ZNF385D: variants seen among roughly 807,000 people sequenced by gnomAD.
The protein encoded by ZNF385D is zinc finger protein 385D.
ZNF385D carries 15 observed loss-of-function variants against 35.8 expected under a neutral mutation model. The ratio of observed to expected loss-of-function variants is 0.42; its 90% confidence interval spans 0.28 to 0.64. The LOEUF (loss-of-function observed/expected upper bound fraction) is 0.64. Ranked by LOEUF, ZNF385D falls within the 30% of genes least tolerant of loss-of-function variation. ZNF385D has a pLI of 0.23. For missense variants in ZNF385D, 474 were observed against 494.6 expected, an observed-to-expected ratio of 0.96 and a Z score of 0.39; for synonymous variants, 212 against 186.8, an observed-to-expected ratio of 1.13 and a Z score of -1.10.
chr3:21,485,259 A>G (rs1290385998), intron 4 of ZNF385D, among the ~76,000 whole-genome samples: 1 of 152,102 alleles, frequency 6.6e-6, no homozygotes, highest in Non-Finnish European at 1.5e-5. Context: ...GATGCCTTCT[A>G]AAAAAATGCT....
At chr3:21,714,760 A>G (rs549553892) in intron 1 of ZNF385D, among the ~76,000 whole-genome samples, 2 of 152,350 alleles carry the variant, frequency 1.3e-5, no homozygotes, top group South Asian at 4.1e-4. Flanking sequence ...GCAAAGCTCC[A>G]TGAGAGGGTT....
intron 3 of ZNF385D, among the ~76,000 whole-genome samples, chr3:22,033,451 T>C (rs1416088955): frequency 2.2e-5 from 3 of 138,462 alleles, no homozygotes; most frequent in South Asian, 2.2e-4. Context: ...TGCACAGTGA[T>C]ATGAGTTAAA....
chr3:21,750,089 G>A (rs946367616), intron 1 of ZNF385D, among the ~76,000 whole-genome samples: 1 of 152,202 alleles, frequency 6.6e-6, no homozygotes, highest in Non-Finnish European at 1.5e-5. Context: ...CAAATATTCA[G>A]TCCTTATCTT....
Position 22,144,572 on chromosome 3 carries a change from CAAAAAAAAAAAAA to C in ZNF385D, c.325+24232_325+24244del, listed in dbSNP as rs10536394. Among the ~76,000 whole-genome samples, 23 of 67,582 alleles carry C rather than the reference CAAAAAAAAAAAAA, an allele frequency of 3.4e-4. 1 individual carries two copies. The Admixed American group carries it at 4.4e-3, about 13-fold the overall frequency. 44.3% of individuals were successfully genotyped at this position (67,582 alleles called of 152,430 possible). ...TAGGCAACAGGGTGAGACTCCATTT[CAAAAAAAAAAAAA>C]AAAAAAAAAAAAAAAGAACGCCTTT... is the stretch of plus-strand genomic sequence containing the variant. On this transcript the variant is annotated intron_variant, in intron 3 of 5. Coordinates refer to the ZNF385D transcript ENST00000494108.
rs113542217 is a variant in ZNF385D, at chr3:21,465,653, G to A, written c.440-28450C>T. Among the ~76,000 whole-genome samples, 432 of 152,310 alleles carry A rather than the reference G, an allele frequency of 2.8e-3. No homozygotes were observed. Among genetic ancestry groups the A allele is most frequent in the African/African-American group, 9.1e-3 (377 of 41,560 alleles). ...TTGTCTCACATCTGTGTAAGTCTCC[G>A]TGTATCTTATTTTCTTTCCTGGCTC... On this transcript the variant is annotated intron_variant, in intron 4 of 7. Coordinates refer to ENST00000281523, the MANE Select transcript of ZNF385D (RefSeq NM_024697.3). The surrounding 1 kb of genome is among the most constrained non-coding windows in gnomAD (Gnocchi z 4.2).
chr3:21,765,215 TGTGA>T (rs2070774845), intron 3 of ZNF385D, among the ~76,000 whole-genome samples: 1 of 150,812 alleles, frequency 6.6e-6, no homozygotes, highest in Non-Finnish European at 1.5e-5. Flanking sequence ...TGTGTGTGTG[TGTGA>T]GAGAGAGAGA....
chr3:22,008,994 G>A (rs987116138), intron 3 of ZNF385D, among the ~76,000 whole-genome samples: 6 of 152,058 alleles, frequency 3.9e-5, no homozygotes, highest in African/African-American at 1.4e-4. Context: ...AAAACAACAG[G>A]AATCAAAGAA....
chr3:21,529,364 C>T (rs1322073058), intron 3 of ZNF385D, among the ~76,000 whole-genome samples: 1 of 152,120 alleles, frequency 6.6e-6, no homozygotes, highest in East Asian at 1.9e-4. Flanking sequence ...GAAAACTCTC[C>T]AAGATCTTAA....
At chr3:21,438,758 CA>C (rs1407950446) in intron 4 of ZNF385D, among the ~76,000 whole-genome samples, 1 of 152,100 alleles carries the variant, frequency 6.6e-6, no homozygotes, top group Non-Finnish European at 1.5e-5. Context: ...GCCAAGTTTT[CA>C]AAATCATGCT....
At chr3:21,943,196 G>A (rs1464373997) in intron 3 of ZNF385D, among the ~76,000 whole-genome samples, 2 of 151,736 alleles carry the variant, frequency 1.3e-5, no homozygotes, top group African/African-American at 4.8e-5. Context: ...AGTGAAAAAA[G>A]GCATCTTGAA....
At chr3:21,542,652 AG>A (rs1288937242) in intron 3 of ZNF385D, among the ~76,000 whole-genome samples, 1 of 151,984 alleles carries the variant, frequency 6.6e-6, no homozygotes, top group Non-Finnish European at 1.5e-5. Context: ...CAGCCAGGTG[AG>A]GGGGGTACCC....
At chr3:21,912,114 C>T (rs1699990549) in intron 3 of ZNF385D, among the ~76,000 whole-genome samples, 1 of 151,908 alleles carries the variant, frequency 6.6e-6, no homozygotes, top group African/African-American at 2.4e-5. Flanking sequence ...CTTCAAAATT[C>T]TTATTTTGCC....
At chr3:21,597,756 G>T (rs1468555809) in intron 2 of ZNF385D, among the ~76,000 whole-genome samples, 12 of 152,132 alleles carry the variant, frequency 7.9e-5, no homozygotes, top group Admixed American at 6.5e-4. Flanking sequence ...AACATAAAAA[G>T]GTAGTTTTAA....
At chr3:21,609,330 C>G (rs868827341) in intron 2 of ZNF385D, among the ~76,000 whole-genome samples, 1 of 152,150 alleles carries the variant, frequency 6.6e-6, no homozygotes, top group African/African-American at 2.4e-5. Flanking sequence ...ATCTCTGGGC[C>G]TTTCATTCCA....
At chr3:22,138,327 A>G (rs1404121729) in intron 3 of ZNF385D, among the ~76,000 whole-genome samples, 2 of 152,242 alleles carry the variant, frequency 1.3e-5, no homozygotes, top group Non-Finnish European at 2.9e-5. Flanking sequence ...TTTACAGTTC[A>G]TATGGAATCA....
At chr3:21,664,350 G>C (rs999470509) in intron 2 of ZNF385D, among the ~76,000 whole-genome samples, 2 of 152,046 alleles carry the variant, frequency 1.3e-5, no homozygotes, top group Non-Finnish European at 2.9e-5. Context: ...GTTAACTTGG[G>C]CAACAATAAC....
intron 2 of ZNF385D, among the ~76,000 whole-genome samples, chr3:21,573,987 G>A (rs2063413354): frequency 6.6e-6 from 1 of 151,278 alleles, no homozygotes. Flanking sequence ...TTGAACCCGG[G>A]AGGTGGAGGT....
At chr3:21,601,661 A>G (rs983431849) in intron 2 of ZNF385D, among the ~76,000 whole-genome samples, 5 of 152,236 alleles carry the variant, frequency 3.3e-5, no homozygotes, top group African/African-American at 1.2e-4. Context: ...TTAATAAATG[A>G]TCACCACACT....
chr3:21,804,511 A>G (rs2072547463), intron 3 of ZNF385D, among the ~76,000 whole-genome samples: 1 of 152,112 alleles, frequency 6.6e-6, no homozygotes, highest in African/African-American at 2.4e-5. Context: ...AAGCAGAGGG[A>G]GTGATATTTC....
Sources: allele counts gnomAD v4.1 joint callset (sites outside exome capture counted in the v4.1 genomes callset), GRCh38; gene constraint gnomAD v4.1.1; non-coding constraint Gnocchi (gnomAD v3.1); transcripts MANE v1.5; gene names NCBI Gene and HGNC (gene_info 2026-07-23, HGNC 2026-07-21).